Variants in SGIP1 observed in about 807,000 individuals in gnomAD.
The protein encoded by SGIP1 is SH3-containing GRB2-like protein 3-interacting protein 1.
In SGIP1, 38 loss-of-function variants were observed where a neutral mutation model predicts 107.5. The observed-to-expected ratio is 0.35, with a 90% CI of 0.27 to 0.46. The LOEUF (loss-of-function observed/expected upper bound fraction) is 0.46. Among genes scored for constraint, SGIP1 ranks in the 20% least tolerant of loss-of-function variants. The pLI is 1.00. For missense variants in SGIP1, 929 were observed against 1,019.5 expected, an observed-to-expected ratio of 0.91 and a Z score of 1.21; for synonymous variants, 365 against 366.1, an observed-to-expected ratio of 1.00 and a Z score of 0.03.
intron 1 of SGIP1, among the ~76,000 whole-genome samples, chr1:66,561,340 A>G (rs1424315386): frequency 6.6e-6 from 1 of 152,036 alleles, no homozygotes; most frequent in Non-Finnish European, 1.5e-5. Context: ...ATGGGCATAC[A>G]TAGACTAAGG....
chr1:66,674,918 T>C (rs1484165596), intron 12 of SGIP1, among the ~76,000 whole-genome samples: 1 of 152,236 alleles, frequency 6.6e-6, no homozygotes, highest in Non-Finnish European at 1.5e-5. Flanking sequence ...TAGCCAGCAG[T>C]CAGCCACACC....
At chr1:66,675,541 C>T (rs58530040) in intron 12 of SGIP1, among the ~76,000 whole-genome samples, 56,974 of 111,304 alleles carry the variant, frequency 0.51, 16,648 homozygotes, top group East Asian at 0.87. Flanking sequence ...CTTTTTCTTT[C>T]TTTTTTTTTT....
At chr1:66,648,915 G>T (rs2078177166) in intron 7 of SGIP1, among the ~76,000 whole-genome samples, 1 of 152,134 alleles carries the variant, frequency 6.6e-6, no homozygotes, top group Non-Finnish European at 1.5e-5. Context: ...CCACTGTAAA[G>T]GAAGGATGAT....
chr1:66,658,076 G>T (rs1173216431), intron 7 of SGIP1, among the ~76,000 whole-genome samples: 1 of 152,150 alleles, frequency 6.6e-6, no homozygotes, highest in Non-Finnish European at 1.5e-5. Flanking sequence ...CTGAGGTGGA[G>T]AGATGTAGAG....
intron 1 of SGIP1, among the ~76,000 whole-genome samples, chr1:66,625,268 TGTAA>T (rs1272495535): frequency 6.6e-6 from 1 of 152,162 alleles, no homozygotes; most frequent in East Asian, 1.9e-4. Context: ...GCATTTCAAC[TGTAA>T]GTAAGGACCG....
chr1:66,608,685 C>T (rs1447771598), intron 1 of SGIP1, among the ~76,000 whole-genome samples: 3 of 152,150 alleles, frequency 2.0e-5, no homozygotes, highest in Non-Finnish European at 4.4e-5. Flanking sequence ...ACTTTGCCCC[C>T]TTGGCTCATT....
chr1:66,579,465 C>T (rs2061525101), intron 1 of SGIP1, among the ~76,000 whole-genome samples: 1 of 152,170 alleles, frequency 6.6e-6, no homozygotes, highest in Non-Finnish European at 1.5e-5. Flanking sequence ...AGAGGGCAGA[C>T]TTGAAATGAA....
chr1:66,638,901 T>C (rs990354978), intron 4 of SGIP1, among the ~76,000 whole-genome samples: 3 of 152,216 alleles, frequency 2.0e-5, no homozygotes, highest in Non-Finnish European at 2.9e-5. Context: ...GACATACCCT[T>C]GCTCCATGTG....
rs559523864 is a variant in SGIP1, at chr1:66,739,614, C to G, written c.2234+77C>G. 6.9e-6 allele frequency: 10 copies of G among 1,443,728 alleles called. No individual in the cohort carries two copies. In the African/African-American group the frequency reaches 1.4e-4, roughly 20 times the overall value. The allele number at this position is 1,443,728 out of a possible 1,614,324, so 89.4% of individuals were successfully genotyped here. ...CACAGACTCCTTAGCACTTGCGTGT[C>G]CTGTAGGAGGAGATGACAGCAGGCC... On this transcript the variant is annotated intron_variant, in intron 22 of 24. Coordinates refer to ENST00000371037, the MANE Select transcript of SGIP1 (RefSeq NM_032291.4).
intron 1 of SGIP1, among the ~76,000 whole-genome samples, chr1:66,607,326 T>C (rs2067046867): frequency 6.6e-6 from 1 of 152,240 alleles, no homozygotes; most frequent in Admixed American, 6.5e-5. Context: ...GGTAGCCCAG[T>C]ATCCTTGCAT....
chr1:66,610,715 ATTT>A (rs34048147), intron 1 of SGIP1, among the ~76,000 whole-genome samples: 20 of 150,956 alleles, frequency 1.3e-4, no homozygotes, highest in African/African-American at 3.4e-4. Flanking sequence ...CATAGTATAG[ATTT>A]TTTTTTTTTA....
chr1:66,606,866 G>A (rs968653533), intron 1 of SGIP1, among the ~76,000 whole-genome samples: 2 of 152,194 alleles, frequency 1.3e-5, no homozygotes, highest in Non-Finnish European at 2.9e-5. Flanking sequence ...ACACGGATTA[G>A]TAGATATGTT....
intron 1 of SGIP1, among the ~76,000 whole-genome samples, chr1:66,571,096 C>T (rs2121041): frequency 0.15 from 23,447 of 151,920 alleles, 2,367 homozygotes; most frequent in East Asian, 0.45. Flanking sequence ...TATTCCTGCC[C>T]TTAACAAACT....
intron 1 of SGIP1, among the ~76,000 whole-genome samples, chr1:66,587,161 A>G (rs2062762863): frequency 6.6e-6 from 1 of 152,178 alleles, no homozygotes; most frequent in South Asian, 2.1e-4. Context: ...ATCACAGCAT[A>G]TATCATTTCT....
chr1:66,584,276 C>T (rs1391569319), intron 1 of SGIP1, among the ~76,000 whole-genome samples: 5 of 151,950 alleles, frequency 3.3e-5, no homozygotes, highest in African/African-American at 1.2e-4. Flanking sequence ...CAGCCATAGC[C>T]CTTGAAGATA....
chr1:66,700,385 A>AAC (rs1269792099), intron 18 of SGIP1, among the ~76,000 whole-genome samples: 2 of 151,452 alleles, frequency 1.3e-5, no homozygotes, highest in Admixed American at 6.6e-5. Context: ...AAAAAAAAAA[A>AAC]AAAACAGAGT....
intron 1 of SGIP1, among the ~76,000 whole-genome samples, chr1:66,558,050 A>G (rs1390074800): frequency 6.6e-6 from 1 of 152,090 alleles, no homozygotes; most frequent in Non-Finnish European, 1.5e-5. Context: ...TATGCCTTCG[A>G]TGTGGTAAGC....
At chr1:66,584,546 A>T (rs2062284781) in intron 1 of SGIP1, among the ~76,000 whole-genome samples, 1 of 149,948 alleles carries the variant, frequency 6.7e-6, no homozygotes, top group African/African-American at 2.4e-5. Flanking sequence ...AATGTTCACA[A>T]GTTGGGTTTT....
intron 1 of SGIP1, among the ~76,000 whole-genome samples, chr1:66,589,739 A>G (rs1475438187): frequency 6.6e-6 from 1 of 152,208 alleles, no homozygotes; most frequent in Non-Finnish European, 1.5e-5. Flanking sequence ...TTTATACTTA[A>G]GGAATCATAT....
Sources: allele counts gnomAD v4.1 joint callset (sites outside exome capture counted in the v4.1 genomes callset), GRCh38; gene constraint gnomAD v4.1.1; transcripts MANE v1.5; gene names NCBI Gene and HGNC (gene_info 2026-07-23, HGNC 2026-07-21).